The following LHFPL6 variants were observed in gnomAD, a reference collection of about 807,000 sequenced individuals.
LHFPL6 encodes the protein LHFPL tetraspan subfamily member 6 protein.
LHFPL6 carries 9 observed loss-of-function variants against 20.6 expected under a neutral mutation model. That is an observed-to-expected ratio of 0.44 (90% CI 0.26 to 0.76). LHFPL6 has a LOEUF of 0.76. Ranked by LOEUF, LHFPL6 falls within the 30% of genes least tolerant of loss-of-function variation. The probability of loss-of-function intolerance (pLI) is 0.20; values close to 1 mark genes in which losing one functional copy is unlikely to be tolerated. For synonymous variants in LHFPL6, 105 were observed against 98.7 expected, an observed-to-expected ratio of 1.06 and a Z score of -0.38; for missense variants, 218 against 253.5, an observed-to-expected ratio of 0.86 and a Z score of 0.95.
intron 2 of LHFPL6, among the ~76,000 whole-genome samples, chr13:39,570,941 A>G (rs1275755781): frequency 6.6e-6 from 1 of 152,224 alleles, no homozygotes; most frequent in Non-Finnish European, 1.5e-5. Flanking sequence ...TTATCTCCCC[A>G]TCCAGTCAGA....
chr13:39,362,527 T>C (rs1869900386), intron 3 of LHFPL6, among the ~76,000 whole-genome samples: 1 of 152,220 alleles, frequency 6.6e-6, no homozygotes, highest in South Asian at 2.1e-4. Context: ...CAGTGGGGAC[T>C]TTTACTCTTG....
chr13:39,472,289 C>A (rs534539614), intron 2 of LHFPL6, among the ~76,000 whole-genome samples: 5 of 152,204 alleles, frequency 3.3e-5, no homozygotes, highest in African/African-American at 9.6e-5. Flanking sequence ...ATCCGAGATG[C>A]CTTCCCCTTC....
chr13:39,445,979 TAGA>T (rs535395953), intron 2 of LHFPL6, among the ~76,000 whole-genome samples: 397 of 152,306 alleles, frequency 2.6e-3, no homozygotes, highest in Non-Finnish European at 4.9e-3. Flanking sequence ...CTAATAATCT[TAGA>T]AGGAGAATTA....
intron 2 of LHFPL6, among the ~76,000 whole-genome samples, chr13:39,478,992 GATTT>G (rs1868401999): frequency 6.6e-6 from 1 of 150,584 alleles, no homozygotes; most frequent in Non-Finnish European, 1.5e-5. Flanking sequence ...TATAAAATGA[GATTT>G]CTTTATTATA....
intron 2 of LHFPL6, among the ~76,000 whole-genome samples, chr13:39,466,178 G>A (rs534714981): frequency 6.6e-6 from 1 of 152,066 alleles, no homozygotes; most frequent in African/African-American, 2.4e-5. Context: ...TCTTAAAAAC[G>A]TTCAGCCTAA....
At chr13:39,480,225 A>G (rs1030479861) in intron 2 of LHFPL6, among the ~76,000 whole-genome samples, 1 of 152,230 alleles carries the variant, frequency 6.6e-6, no homozygotes, top group Non-Finnish European at 1.5e-5. Context: ...GACCTGGACT[A>G]TGAGGGAGGT....
intron 3 of LHFPL6, among the ~76,000 whole-genome samples, chr13:39,353,444 C>A (rs1010937444): frequency 1.3e-5 from 2 of 151,828 alleles, no homozygotes; most frequent in African/African-American, 4.8e-5. Context: ...AGCTACTTTG[C>A]GGCCGGGCGC....
At chr13:39,409,228 C>A (rs188572190) in intron 2 of LHFPL6, among the ~76,000 whole-genome samples, 2 of 151,980 alleles carry the variant, frequency 1.3e-5, no homozygotes, top group African/African-American at 4.8e-5. Context: ...CTGAGGTGGG[C>A]GGATCACTTG....
intron 2 of LHFPL6, among the ~76,000 whole-genome samples, chr13:39,416,287 C>T (rs9532378): frequency 0.1 from 15,649 of 151,754 alleles, 975 homozygotes; most frequent in East Asian, 0.28. Context: ...ATTAATGTAT[C>T]CCAAGGGTTG....
At chr13:39,497,777 C>G (rs1465055697) in intron 2 of LHFPL6, among the ~76,000 whole-genome samples, 4 of 152,168 alleles carry the variant, frequency 2.6e-5, no homozygotes, top group Non-Finnish European at 5.9e-5. Context: ...ATTTTCTCCT[C>G]TCTCTTTATA....
intron 2 of LHFPL6, among the ~76,000 whole-genome samples, chr13:39,573,741 T>C (rs1872010692): frequency 6.6e-6 from 1 of 152,166 alleles, no homozygotes; most frequent in African/African-American, 2.4e-5. Flanking sequence ...AGAAATAATA[T>C]TGCATCTAGT....
At chr13:39,435,062 CAAAAAAAAAAAAA>C (rs55701240) in intron 2 of LHFPL6, among the ~76,000 whole-genome samples, 14 of 53,370 alleles carry the variant, frequency 2.6e-4, no homozygotes, top group South Asian at 2.6e-3. Context: ...GACTCCGTCT[CAAAAAAAAAAAAA>C]AAAAAAAAAA....
chr13:39,465,087 C>G (rs7996782), intron 2 of LHFPL6, among the ~76,000 whole-genome samples: 84,200 of 152,016 alleles, frequency 0.55, 24,599 homozygotes, highest in East Asian at 0.9. Context: ...AACAGACTTA[C>G]TTGCTATGGC....
chr13:39,588,263 C>A (rs973985536), intron 2 of LHFPL6, among the ~76,000 whole-genome samples: 1 of 152,172 alleles, frequency 6.6e-6, no homozygotes, highest in Non-Finnish European at 1.5e-5. Flanking sequence ...GTGAGCTCAG[C>A]AACAGCAGGA....
intron 3 of LHFPL6, among the ~76,000 whole-genome samples, chr13:39,344,759 C>T (rs925470880): frequency 2.0e-5 from 3 of 152,156 alleles, no homozygotes; most frequent in Non-Finnish European, 4.4e-5. Context: ...TTTGTCAATT[C>T]TTTTATCAAC....
chr13:39,406,042 C>T lies in LHFPL6; in HGVS notation c.386-27516G>A, dbSNP rs373474659. Among the ~76,000 whole-genome samples, 12 of 152,086 alleles carry T rather than the reference C, an allele frequency of 7.9e-5. No homozygotes were observed. In the South Asian group the frequency reaches 1.0e-3, roughly 13 times the overall value. ...TATTCTGTATTGTAGCTGAGCTCAC[C>T]AGAGTTCGGGATGAATGAGAAAATG... On this transcript the variant is annotated intron_variant, in intron 2 of 3. Coordinates refer to ENST00000379589, the MANE Select transcript of LHFPL6 (RefSeq NM_005780.3).
chr13:39,470,018 C>T (rs573091202), intron 2 of LHFPL6, among the ~76,000 whole-genome samples: 1 of 152,110 alleles, frequency 6.6e-6, no homozygotes, highest in Non-Finnish European at 1.5e-5. Flanking sequence ...CAGGAAAGTA[C>T]TGCAAGAAGC....
intron 2 of LHFPL6, among the ~76,000 whole-genome samples, chr13:39,450,519 A>G (rs1593317364): frequency 6.6e-6 from 1 of 152,124 alleles, no homozygotes; most frequent in African/African-American, 2.4e-5. Context: ...TGGGTGTGAG[A>G]TATCTACCTA....
At chr13:39,505,421 C>A (rs1327165100) in intron 2 of LHFPL6, among the ~76,000 whole-genome samples, 1 of 150,802 alleles carries the variant, frequency 6.6e-6, no homozygotes, top group Non-Finnish European at 1.5e-5. Flanking sequence ...GGTTGAGTGA[C>A]AAACTACTGA....
Sources: gnomAD v4.1 joint callset for allele counts (sites outside exome capture counted in the v4.1 genomes callset) on GRCh38, gnomAD v4.1.1 for gene constraint, MANE v1.5 for transcripts, NCBI Gene and HGNC (gene_info 2026-07-23, HGNC 2026-07-21) for gene names.